Variants in ZFAT observed in about 807,000 individuals in gnomAD.
The protein encoded by ZFAT is zinc finger and AT-hook domain containing.
ZFAT carries 64 observed loss-of-function variants against 117.7 expected under a neutral mutation model. That is an observed-to-expected ratio of 0.54 (90% CI 0.44 to 0.67). The LOEUF is 0.67. Ranked by LOEUF, ZFAT falls within the 30% of genes least tolerant of loss-of-function variation. The pLI, the probability that ZFAT is intolerant of heterozygous loss-of-function variation, is 0.00. For synonymous variants in ZFAT, 679 were observed against 615.0 expected (o/e 1.10, Z -1.54); for missense variants, 1,433 against 1,584.5 (o/e 0.90, Z 1.62).
intron 1 of ZFAT, among the ~76,000 whole-genome samples, chr8:134,699,131 C>T (rs144054292): frequency 1.2e-4 from 19 of 152,136 alleles, no homozygotes; most frequent in Non-Finnish European, 2.2e-4. Flanking sequence ...CCCCTCACCC[C>T]CTCCCCGCAT....
At chr8:134,480,606 G>C (rs1397353928) in intron 15 of ZFAT, among the ~76,000 whole-genome samples, 1 of 152,236 alleles carries the variant, frequency 6.6e-6, no homozygotes, top group Non-Finnish European at 1.5e-5. Context: ...GCTCTTGCAG[G>C]GGCAGCCTAT....
the ZFAT span, among the ~76,000 whole-genome samples, chr8:134,818,702 T>C: frequency 1.3e-5 from 2 of 152,126 alleles, no homozygotes; most frequent in Non-Finnish European, 2.9e-5. Flanking sequence ...CCAAATAGAT[T>C]ATCAAAAGGT....
At chr8:134,601,334 G>T (rs1041109168) in intron 6 of ZFAT, 143 bp downstream of exon 6, 5 of 1,262,082 alleles carry the variant, frequency 4.0e-6, no homozygotes, top group Non-Finnish European at 4.3e-6. Flanking sequence ...GCCACACAGG[G>T]TCACCGTTCC....
Position 134,478,732 on chromosome 8 carries a change from A to G in ZFAT, c.3493-11T>C. The G allele has an allele frequency of 6.5e-7, 1 of 1,546,170 alleles. No homozygotes were observed. Among genetic ancestry groups the G allele is most frequent in the Non-Finnish European group, 8.7e-7 (1 of 1,143,702 alleles). On this transcript the variant is annotated splice_polypyrimidine_tract_variant and intron_variant, in intron 15 of 15. Transcript: ENST00000377838. This position sits in a 1 kb window ranked among gnomAD's most constrained non-coding sequence, Gnocchi z 5.2. ...CTCCTCCTCGGTGACCTGCGGGAGG[A>G]GGGCAAGAGAAAGGTCACCCAGCGC...
chr8:134,528,816 C>G (rs764798778), intron 12 of ZFAT, among the ~76,000 whole-genome samples: 37 of 152,292 alleles, frequency 2.4e-4, no homozygotes, highest in Middle Eastern at 3.4e-3. Context: ...AGCCCTGGTC[C>G]GCAACCTGGG....
intron 11 of ZFAT, among the ~76,000 whole-genome samples, chr8:134,540,859 G>A (rs906651760): frequency 6.6e-6 from 1 of 152,176 alleles, no homozygotes; most frequent in African/African-American, 2.4e-5. Context: ...CATCAATTTA[G>A]TTAAACTTTG....
chr8:134,616,318 T>C (rs1436647414), intron 3 of ZFAT, among the ~76,000 whole-genome samples: 1 of 152,184 alleles, frequency 6.6e-6, no homozygotes, highest in Non-Finnish European at 1.5e-5. Context: ...ACAGCCTTGT[T>C]AGTAATTTTC....
At chr8:134,566,039 G>A (rs2130775915) in intron 10 of ZFAT, among the ~76,000 whole-genome samples, 2 of 151,958 alleles carry the variant, frequency 1.3e-5, no homozygotes, top group South Asian at 4.1e-4. Flanking sequence ...GAGTGCCAAA[G>A]GCATTTTGGG....
chr8:134,624,218 A>ACACC (rs1491222293), intron 3 of ZFAT, among the ~76,000 whole-genome samples: 52 of 140,910 alleles, frequency 3.7e-4, no homozygotes, highest in Non-Finnish European at 6.4e-4. Flanking sequence ...ACACACACAC[A>ACACC]CCCTTAACTC....
At chr8:134,650,755 C>T (rs1831187746) in intron 2 of ZFAT, among the ~76,000 whole-genome samples, 1 of 152,172 alleles carries the variant, frequency 6.6e-6, no homozygotes, top group African/African-American at 2.4e-5. Flanking sequence ...TAAACTCATA[C>T]ATTTGTACTC....
chr8:134,516,478 C>T (rs1429072800), intron 13 of ZFAT, among the ~76,000 whole-genome samples: 1 of 152,060 alleles, frequency 6.6e-6, no homozygotes, highest in Non-Finnish European at 1.5e-5. Context: ...AAAACTTCCC[C>T]TCATCGAATG....
chr8:134,629,780 T>C (rs1829761773), intron 3 of ZFAT, among the ~76,000 whole-genome samples: 1 of 152,208 alleles, frequency 6.6e-6, no homozygotes, highest in Non-Finnish European at 1.5e-5. Flanking sequence ...GTGAATCAAT[T>C]AAACCTTTCT....
intron 1 of ZFAT, chr8:134,696,469 T>C: frequency 1.0e-6 from 1 of 985,664 alleles, no homozygotes; most frequent in East Asian, 1.1e-4. Flanking sequence ...GGAGGGATGC[T>C]GGGCGCCTCC....
At chr8:134,550,014 G>C (rs1177410879) in intron 11 of ZFAT, among the ~76,000 whole-genome samples, 2 of 152,174 alleles carry the variant, frequency 1.3e-5, no homozygotes, top group East Asian at 3.9e-4. Flanking sequence ...AAAGAAGTTT[G>C]TACTAAAGAT....
Position 134,657,621 on chromosome 8 carries a change from T to C in ZFAT, c.136A>G (p.Ile46Val). Residue 46 changes from isoleucine (I) to valine (V), a missense_variant, in exon 2 of 16, where the codon ATT becomes GTT. By Grantham distance (29) the Ile-to-Val change is conservative. Transcript: ENST00000377838. ...GTACTCAGAGGCCTAAGGGGAATAA[T>C]AATCTCATCAACATTAACCCCTTCT... ...MEEGVNVDEI[I>V]IPLRPLSTPE... is the part of the protein sequence containing the mutation. The C allele has an allele frequency of 1.9e-6, 3 of 1,614,070 alleles. No individual in the cohort carries two copies. Among genetic ancestry groups the C allele is most frequent in the Non-Finnish European group, 8.5e-7 (1 of 1,180,024 alleles).
At chr8:134,480,489 G>T (rs567722112) in intron 15 of ZFAT, among the ~76,000 whole-genome samples, 3 of 152,234 alleles carry the variant, frequency 2.0e-5, no homozygotes, top group Non-Finnish European at 4.4e-5. Context: ...GATCCACTAG[G>T]TGTCAGATGC....
chr8:134,512,446 G>T (rs1465301162), intron 14 of ZFAT, 29 bp downstream of exon 14: 3 of 1,610,428 alleles, frequency 1.9e-6, no homozygotes, highest in African/African-American at 2.7e-5. Context: ...ACAGTTCTGA[G>T]ATGGCAAAGG....
chr8:134,637,531 G>C lies in ZFAT; in HGVS notation c.378C>G (p.Ser126=), dbSNP rs777334533. 2.5e-6 allele frequency: 4 copies of C among 1,614,076 alleles called. No individual in the cohort carries two copies. In the African/African-American group the frequency reaches 5.3e-5, roughly 22 times the overall value. Reference sequence around the variant, plus strand: ...TGTGCTTCCGCAGCTGGCGCGTGTTGGAGAACTTCCGACAGCACTTGCTAC... The same window carrying C: ...TGTGCTTCCGCAGCTGGCGCGTGTTCGAGAACTTCCGACAGCACTTGCTAC... The part of the protein sequence containing the change: ...LECSKCCRKF[S]NTRQLRKHIC... The change falls in exon 3 of 16, where the codon TCC becomes TCG. Residue 126 remains serine, a synonymous_variant. Coordinates refer to ENST00000377838, the MANE Select transcript of ZFAT (RefSeq NM_020863.4).
chr8:134,521,076 C>A, intron 12 of ZFAT, 75 bp from the exon 13 acceptor site: 1 of 1,004,742 alleles, frequency 1.0e-6, no homozygotes. Flanking sequence ...TCCTCCTGTT[C>A]AAATGCTTCA....
Sources: gnomAD v4.1 joint callset for allele counts (sites outside exome capture counted in the v4.1 genomes callset) on GRCh38, gnomAD v4.1.1 for gene constraint, Gnocchi (gnomAD v3.1) non-coding constraint, MANE v1.5 for transcripts, NCBI Gene and HGNC (gene_info 2026-07-23, HGNC 2026-07-21) for gene names.